The following FSTL5 variants were observed in gnomAD, a reference collection of about 807,000 sequenced individuals.
FSTL5 encodes the protein follistatin like 5.
FSTL5 carries 62 observed loss-of-function variants against 89.1 expected under a neutral mutation model. That is an observed-to-expected ratio of 0.70 (90% confidence interval 0.57 to 0.86). The LOEUF is 0.86. Ranked by LOEUF, FSTL5 falls within the 40% of genes least tolerant of loss-of-function variation. FSTL5 has a pLI of 0.00. For missense variants in FSTL5, 1,057 were observed against 1,001.6 expected (o/e 1.06, Z -0.75); for synonymous variants, 383 against 346.2 (o/e 1.11, Z -1.18).
At chr4:162,107,154 A>G (rs985328538) in intron 2 of FSTL5, among the ~76,000 whole-genome samples, 1 of 152,196 alleles carries the variant, frequency 6.6e-6, no homozygotes, top group African/African-American at 2.4e-5. Flanking sequence ...AGGCCAAATT[A>G]CTACAAAAGT....
chr4:161,746,682 C>G (rs1446026262), intron 6 of FSTL5, among the ~76,000 whole-genome samples: 2 of 152,158 alleles, frequency 1.3e-5, no homozygotes, highest in East Asian at 1.9e-4. Flanking sequence ...GCATTTTGCA[C>G]TCAGTTTCAT....
intron 7 of FSTL5, among the ~76,000 whole-genome samples, chr4:161,654,805 G>A (rs1560773145): frequency 2.0e-5 from 3 of 151,932 alleles, no homozygotes; most frequent in African/African-American, 4.8e-5. Context: ...CTAAAGCAAG[G>A]GATTGCCCCA....
At chr4:161,694,842 C>CTTTTT (rs34276732) in intron 6 of FSTL5, among the ~76,000 whole-genome samples, 4 of 106,196 alleles carry the variant, frequency 3.8e-5, no homozygotes, top group African/African-American at 3.6e-5. Flanking sequence ...TTCTAAATGC[C>CTTTTT]TTTTTTTTTT....
At chr4:161,956,585 A>G (rs566893743) in intron 3 of FSTL5, among the ~76,000 whole-genome samples, 28 of 152,080 alleles carry the variant, frequency 1.8e-4, no homozygotes, top group African/African-American at 6.7e-4. Flanking sequence ...AAAAACCACA[A>G]TTACTTTTGC....
chr4:161,981,379 C>A (rs752534604), intron 3 of FSTL5, among the ~76,000 whole-genome samples: 2 of 152,204 alleles, frequency 1.3e-5, no homozygotes, highest in Non-Finnish European at 2.9e-5. Flanking sequence ...AATAAGAAAG[C>A]AGAGTAATGA....
At chr4:161,607,631 A>G (rs1009511541) in intron 7 of FSTL5, among the ~76,000 whole-genome samples, 16 of 152,154 alleles carry the variant, frequency 1.1e-4, no homozygotes, top group African/African-American at 3.6e-4. Flanking sequence ...CAGATATCCT[A>G]TGGGAATGGA....
intron 8 of FSTL5, among the ~76,000 whole-genome samples, chr4:161,564,674 C>G (rs981976574): frequency 1.9e-4 from 29 of 151,504 alleles, no homozygotes; most frequent in African/African-American, 7.0e-4. Flanking sequence ...CTGTTAAATG[C>G]ATTTTTATTA....
chr4:161,945,949 A>G (rs1390219903), intron 3 of FSTL5, among the ~76,000 whole-genome samples: 2 of 152,130 alleles, frequency 1.3e-5, no homozygotes, highest in Non-Finnish European at 2.9e-5. Flanking sequence ...AAACTTTCTT[A>G]TTATAATTAT....
At chr4:161,757,234 C>T (rs776373661) in intron 6 of FSTL5, among the ~76,000 whole-genome samples, 6 of 152,134 alleles carry the variant, frequency 3.9e-5, no homozygotes, top group African/African-American at 7.2e-5. Flanking sequence ...TTAATTTCCA[C>T]CACCTTCATA....
chr4:161,849,547 ACAC>A (rs1731486362), intron 4 of FSTL5, among the ~76,000 whole-genome samples: 1 of 151,928 alleles, frequency 6.6e-6, no homozygotes. Flanking sequence ...ACACACACAC[ACAC>A]ACACACACAC....
chr4:161,975,241 T>A (rs1262917378), intron 3 of FSTL5, among the ~76,000 whole-genome samples: 1 of 143,172 alleles, frequency 7.0e-6, no homozygotes, highest in Non-Finnish European at 1.5e-5. Flanking sequence ...GACCCAGCCA[T>A]CCCATTACTG....
intron 4 of FSTL5, among the ~76,000 whole-genome samples, chr4:161,779,785 ATATATATATATATATATATATATATG>A (rs1560840852): frequency 0.044 from 1,929 of 43,928 alleles, 110 homozygotes; most frequent in African/African-American, 0.19. Flanking sequence ...GTATATATAT[ATATATATATATATATATATATATATG>A]TATATATATA....
At chr4:161,791,600 G>A (rs552620890) in intron 4 of FSTL5, among the ~76,000 whole-genome samples, 179 of 152,218 alleles carry the variant, frequency 1.2e-3, no homozygotes, top group African/African-American at 2.8e-3. Flanking sequence ...ATAGCACGCC[G>A]TGGGTCACAG....
intron 15 of FSTL5, among the ~76,000 whole-genome samples, chr4:161,439,499 T>C (rs2126363604): frequency 6.6e-6 from 1 of 152,342 alleles, no homozygotes; most frequent in African/African-American, 2.4e-5. Flanking sequence ...ATTCATAAAA[T>C]AGACTGCTAT....
chr4:162,050,065 A>C (rs1007813415), intron 2 of FSTL5, among the ~76,000 whole-genome samples: 2 of 152,018 alleles, frequency 1.3e-5, no homozygotes, highest in Non-Finnish European at 2.9e-5. Flanking sequence ...TAGCAGATCC[A>C]TTAACAGTTC....
chr4:161,393,827 G>A (rs547880856), intron 15 of FSTL5, among the ~76,000 whole-genome samples: 4 of 152,248 alleles, frequency 2.6e-5, no homozygotes, highest in East Asian at 3.9e-4. Flanking sequence ...TCCTATAAAT[G>A]AGCAGACAAG....
At chr4:161,918,881 G>C (rs896369311) in intron 4 of FSTL5, among the ~76,000 whole-genome samples, 2 of 152,004 alleles carry the variant, frequency 1.3e-5, no homozygotes, top group Non-Finnish European at 2.9e-5. Flanking sequence ...GACTTCAGGT[G>C]ATCTGCCCAC....
At chr4:161,519,857 T>C (rs545421758) in intron 10 of FSTL5, among the ~76,000 whole-genome samples, 1 of 152,280 alleles carries the variant, frequency 6.6e-6, no homozygotes, top group African/African-American at 2.4e-5. Context: ...CTTCTTTTGG[T>C]TTAACTTCCC....
intron 2 of FSTL5, among the ~76,000 whole-genome samples, chr4:162,040,830 A>G (rs1245609065): frequency 6.6e-6 from 1 of 150,564 alleles, no homozygotes; most frequent in Non-Finnish European, 1.5e-5. Flanking sequence ...TTTTTTTTTC[A>G]TTTTTCACAA....
Sources: allele counts gnomAD v4.1 joint callset (sites outside exome capture counted in the v4.1 genomes callset), GRCh38; gene constraint gnomAD v4.1.1; transcripts MANE v1.5; gene names NCBI Gene and HGNC (gene_info 2026-07-23, HGNC 2026-07-21).